The following NBPF19 variants were observed in gnomAD, a reference collection of about 807,000 sequenced individuals.
NBPF19 encodes NBPF member 19, also known as NBPF family member NBPF19.
In NBPF19, 30 loss-of-function variants were observed where a neutral mutation model predicts 45.9. The observed-to-expected ratio is 0.65, with a 90% confidence interval of 0.49 to 0.89. NBPF19 has a LOEUF of 0.89. Ranked by LOEUF, NBPF19 falls within the 40% of genes least tolerant of loss-of-function variation. NBPF19 has a pLI of 0.00. For synonymous variants in NBPF19, 183 were observed against 181.2 expected, an observed-to-expected ratio of 1.01 and a Z score of -0.08; for missense variants, 495 against 471.8, an observed-to-expected ratio of 1.05 and a Z score of -0.46.
chr1:149,554,466 T>A (rs2087188075), intron 93 of NBPF19, 29 bp from the exon 94 acceptor site: 1 of 1,608,124 alleles, frequency 6.2e-7, no homozygotes, highest in African/African-American at 1.3e-5. Flanking sequence ...TTTCCCTGGC[T>A]GCTTCTTTAG....
intron 4 of NBPF19, among the ~76,000 whole-genome samples, chr1:149,479,894 G>C (rs1181810583): frequency 6.6e-6 from 1 of 150,980 alleles, no homozygotes; most frequent in Non-Finnish European, 1.5e-5. Context: ...CAAGCCTCCA[G>C]TGATATGGGA....
Position 149,487,914 on chromosome 1 carries a change from C to A in NBPF19, c.1041-99C>A, listed in dbSNP as rs1187763060. 29 of 722,526 alleles carry A rather than the reference C, an allele frequency of 4.0e-5. 2 individuals are homozygous for A. The highest frequency in any genetic ancestry group is 6.6e-5 in the Non-Finnish European group (26 of 394,138). 44.8% of individuals were successfully genotyped at this position (722,526 alleles called of 1,614,324 possible). A position where few individuals can be genotyped will look rare whatever the true frequency, so the allele number is the denominator to read the frequency against. On this transcript the variant is annotated intron_variant, in intron 9 of 93. Transcript: ENST00000651566. ...CCTCACTAATGGATCTCTCCTTTTT[C>A]TTTTCAAACTCTTCCTTATGTTAGC...
intron 93 of NBPF19, among the ~76,000 whole-genome samples, chr1:149,554,151 T>C (rs1226959783): frequency 3.5e-5 from 5 of 143,278 alleles, no homozygotes; most frequent in Non-Finnish European, 6.2e-5. Flanking sequence ...TATGGAAAAC[T>C]ATTGAGCTCA....
chr1:149,478,914 G>A lies in NBPF19; in HGVS notation c.313G>A (p.Glu105Lys), dbSNP rs1172326033. Residue 105 changes from glutamate to lysine, a missense_variant, in exon 4 of 94, where the codon GAG (glutamate) becomes AAG (lysine). Physicochemically the swap from Glu to Lys is moderately conservative, Grantham distance 56. Transcript: ENST00000651566. ...AGTCCTGTTTCACTCTCAGGAACGA[G>A]AGCTGACCCAGTTAAGGGAGAAGTT... ...YKVLFHSQER[E>K]LTQLREKLRE... 9.1e-4 allele frequency: 1,460 copies of A among 1,606,276 alleles called. 58 individuals carry two copies. The highest frequency in any genetic ancestry group is 8.6e-4 in the Non-Finnish European group (1,008 of 1,175,326).
At chr1:149,486,411 T>A (rs1445286470) in intron 8 of NBPF19, 118 bp downstream of exon 8, 2 of 676,176 alleles carry the variant, frequency 3.0e-6, no homozygotes, top group Admixed American at 4.2e-5. Flanking sequence ...GGGCTGAACC[T>A]ATATATCAAT....
intron 61 of NBPF19, among the ~76,000 whole-genome samples, 194 bp from the exon 62 acceptor site, chr1:149,528,980 T>A (rs1227616175): frequency 5.3e-5 from 7 of 131,464 alleles, no homozygotes; most frequent in African/African-American, 2.1e-4. Context: ...TGTGTGTCTA[T>A]CTGTCTTTCT....
rs1327509963 is a variant in NBPF19 at position 149,554,692 on chromosome 1, C to T, written c.11486C>T (p.Thr3829Ile). Residue 3829 changes from threonine (T) to isoleucine (I), a missense_variant, in exon 94 of 94, where the codon ACA becomes ATA. Around this residue, in one of 8 missense-constraint regions of NBPF19, gnomAD observed 248 missense variants for 95.4 expected, o/e 2.60. Coordinates refer to ENST00000651566, the MANE Select transcript of NBPF19 (RefSeq NM_001351365.2). ...LDNRFFTLTV[T>I]SLHLVFQMLV... ...AATAGGTTTTTTACTTTGACGGTGACAAGTCTCCATCTGGTGTTCCAGATG... is the reference window on the plus strand; with the variant it reads ...AATAGGTTTTTTACTTTGACGGTGATAAGTCTCCATCTGGTGTTCCAGATG... The T allele has an allele frequency of 5.6e-6, 9 of 1,608,300 alleles. 2 individuals are homozygous for T. The highest frequency in any genetic ancestry group is 2.3e-4 in the Middle Eastern group (1 of 4,426).
rs2087207903 is a variant in NBPF19, at chr1:149,554,823, T to C, written c.*85T>C. The C allele has an allele frequency of 1.3e-6, 2 of 1,595,272 alleles. No individual in the cohort carries two copies. The highest frequency in any genetic ancestry group is 1.7e-6 in the Non-Finnish European group (2 of 1,167,802). ...GATTTGAATGAAACTACAGTTCCATTTGGAAGCCCAGACATAGGATGGGTC... is the reference window on the plus strand; with the variant it reads ...GATTTGAATGAAACTACAGTTCCATCTGGAAGCCCAGACATAGGATGGGTC... On this transcript the variant is annotated 3_prime_UTR_variant, in exon 94 of 94. Coordinates refer to ENST00000651566, the MANE Select transcript of NBPF19 (RefSeq NM_001351365.2).
chr1:149,487,526 T>G, intron 9 of NBPF19, 143 bp downstream of exon 9: 2 of 997,054 alleles, frequency 2.0e-6, no homozygotes, highest in South Asian at 2.5e-5. Context: ...TTTTTTGTTC[T>G]CATTAGAGTA....
rs1354954271 is a variant in NBPF19, at chr1:149,515,188, ACTGAG to A, written c.5323+86_5323+90del. On this transcript the variant is annotated intron_variant, in intron 44 of 93. Coordinates refer to ENST00000651566, the MANE Select transcript of NBPF19 (RefSeq NM_001351365.2). Reference sequence around the variant, plus strand: ...CATATTCCTGCTCCAAGTGGCCATTACTGAGCTGAGAGATGTCGTTGCCGCAGTGA... The same window carrying A: ...CATATTCCTGCTCCAAGTGGCCATTACTGAGAGATGTCGTTGCCGCAGTGA... 3 of 663,902 alleles carry A rather than the reference ACTGAG, an allele frequency of 4.5e-6. No individual in the cohort carries two copies. The African/African-American group carries it at 6.7e-5, about 15-fold the overall frequency. The allele number at this position is 663,902 out of a possible 1,614,324, so 41.1% of individuals were successfully genotyped here. A position where few individuals can be genotyped will look rare whatever the true frequency, so the allele number is the denominator to read the frequency against.
At chr1:149,521,007 C>T (rs2086697327) in intron 51 of NBPF19, among the ~76,000 whole-genome samples, 4 of 45,930 alleles carry the variant, frequency 8.7e-5, no homozygotes, top group Non-Finnish European at 2.0e-4. Flanking sequence ...AGGGCACTAA[C>T]TCAGAGTGTC....
In NBPF19 at chr1:149,488,343, C is replaced by A. The variant is rs200211946; in HGVS notation, c.1213+158C>A. ...TGAATGAAACTCTAGTTCCACTTGGCAGCCCAGACAAGGGATGGTTCAGTG... is the reference window on the plus strand; with the variant it reads ...TGAATGAAACTCTAGTTCCACTTGGAAGCCCAGACAAGGGATGGTTCAGTG... On this transcript the variant is annotated intron_variant, in intron 10 of 93. Coordinates refer to ENST00000651566, the MANE Select transcript of NBPF19 (RefSeq NM_001351365.2). Among the ~76,000 whole-genome samples the A allele has an allele frequency of 2.5e-3, 347 of 141,620 alleles. 14 individuals are homozygous for A. Among genetic ancestry groups the A allele is most frequent in the Non-Finnish European group, 4.2e-3 (274 of 65,606 alleles). The allele number at this position is 141,620 out of a possible 152,430, so 92.9% of individuals were successfully genotyped here. A position where few individuals can be genotyped will look rare whatever the true frequency, so the allele number is the denominator to read the frequency against.
intron 13 of NBPF19, 133 bp from the exon 14 acceptor site, chr1:149,491,006 A>G: frequency 1.9e-6 from 1 of 514,846 alleles, no homozygotes. Context: ...GAAGGCAATA[A>G]TTTGTTACCT....
chr1:149,487,772 G>T (rs3108133), intron 9 of NBPF19, among the ~76,000 whole-genome samples: 1 of 128,108 alleles, frequency 7.8e-6, no homozygotes, highest in Non-Finnish European at 1.6e-5. Context: ...GACTGAGCTC[G>T]CTCTGTGTGT....
At chr1:149,487,488 C>A (rs2085614365) in intron 9 of NBPF19, 105 bp downstream of exon 9, 8 of 1,004,170 alleles carry the variant, frequency 8.0e-6, no homozygotes, top group African/African-American at 1.6e-5. Flanking sequence ...TCTTGTCAGA[C>A]AAGTCTGAAT....
At chr1:149,529,051 T>G in intron 61 of NBPF19, 123 bp from the exon 62 acceptor site, 1 of 371,652 alleles carries the variant, frequency 2.7e-6, no homozygotes, top group Middle Eastern at 8.6e-4. Context: ...ATTTGTTACC[T>G]CATTAATGGA....
At chr1:149,486,036 C>G in intron 7 of NBPF19, 94 bp from the exon 8 acceptor site, 3 of 208,922 alleles carry the variant, frequency 1.4e-5, no homozygotes, top group Non-Finnish European at 2.5e-5. Flanking sequence ...TGTGACCACT[C>G]CATTCTGTCT....
Position 149,553,795 on chromosome 1 carries a change from G to A in NBPF19, c.11201G>A (p.Gly3734Glu). ...GCAGAAATTGAAAAGAAGGGGAAGG[G>A]GAAGAAAAGAAGGGGAAGAAGATCA... ...DVGEIEKKGK[G>E]KKRRGRRSKK... is the part of the protein sequence containing the mutation. The change falls in exon 93 of 94, where the codon GGG becomes GAG. Residue 3734 changes from glycine (G) to glutamate (E), a missense_variant. Coordinates refer to ENST00000651566, the MANE Select transcript of NBPF19 (RefSeq NM_001351365.2). 1 of 133,864 alleles carries A rather than the reference G, an allele frequency of 7.5e-6. No homozygotes were observed. Among genetic ancestry groups the A allele is most frequent in the South Asian group, 4.3e-5 (1 of 23,040 alleles). 8.3% of individuals were successfully genotyped at this position (133,864 alleles called of 1,614,324 possible).
intron 51 of NBPF19, among the ~76,000 whole-genome samples, chr1:149,521,008 T>G (rs2086697653): frequency 2.2e-5 from 1 of 46,374 alleles, no homozygotes; most frequent in Non-Finnish European, 4.9e-5. Context: ...GGGCACTAAC[T>G]CAGAGTGTCC....
Sources: gnomAD v4.1 joint callset for allele counts (sites outside exome capture counted in the v4.1 genomes callset) on GRCh38, gnomAD v4.1.1 for gene constraint, gnomAD v4.1.1 regional missense constraint, MANE v1.5 for transcripts, NCBI Gene and HGNC (gene_info 2026-07-23, HGNC 2026-07-21) for gene names.